MBTPS1: variants seen among roughly 807,000 people sequenced by gnomAD.
MBTPS1 encodes membrane bound transcription factor peptidase, site 1.
Under a neutral mutation model 127.8 loss-of-function variants are expected in MBTPS1, and 94 were observed. The observed-to-expected ratio is 0.74, with a 90% confidence interval of 0.62 to 0.87. The LOEUF is 0.87. MBTPS1 is among the 40% of genes least tolerant of loss of function. The pLI, the probability that MBTPS1 is intolerant of heterozygous loss-of-function variation, is 0.00. For missense variants in MBTPS1, 1,636 were observed against 1,353.2 expected (o/e 1.21, Z -3.28); for synonymous variants, 632 against 509.4 (o/e 1.24, Z -3.24).
At chr16:84,075,084 G>A (rs772055588) in intron 11 of MBTPS1, 21 of 167,112 alleles carry the variant, frequency 1.3e-4, no homozygotes, top group Non-Finnish European at 2.1e-4. Flanking sequence ...GCAAAAACAC[G>A]TACACATGTC....
intron 1 of MBTPS1, among the ~76,000 whole-genome samples, chr16:84,116,466 T>C (rs904054908): frequency 2.0e-5 from 3 of 152,172 alleles, no homozygotes; most frequent in Non-Finnish European, 4.4e-5. Flanking sequence ...GAGCAGGGCG[T>C]ATTGTTTCAC....
intron 3 of MBTPS1, 54 bp downstream of exon 3, chr16:84,098,999 G>C (rs2086216769): frequency 4.0e-6 from 6 of 1,511,188 alleles, no homozygotes; most frequent in Non-Finnish European, 4.5e-6. Context: ...TCTGCAGTTT[G>C]AGATTTTCAA....
intron 8 of MBTPS1, among the ~76,000 whole-genome samples, chr16:84,089,533 C>CA (rs751124372): frequency 6.6e-6 from 1 of 152,152 alleles, no homozygotes; most frequent in Non-Finnish European, 1.5e-5. Context: ...GAAATACGCA[C>CA]AAAAAAGAAA....
chr16:84,094,165 T>C (rs1394567835), intron 4 of MBTPS1, among the ~76,000 whole-genome samples: 1 of 151,988 alleles, frequency 6.6e-6, no homozygotes, highest in Non-Finnish European at 1.5e-5. Flanking sequence ...TGGCACCTAC[T>C]GATACTCCCC....
chr16:84,075,544 A>T (rs2085842926), intron 11 of MBTPS1: 1 of 152,296 alleles, frequency 6.6e-6, no homozygotes, highest in Admixed American at 6.5e-5. Flanking sequence ...CCCTGAGAGC[A>T]CCAGGCATAC....
intron 16 of MBTPS1, among the ~76,000 whole-genome samples, chr16:84,066,922 A>C (rs556316688): frequency 1.6e-4 from 25 of 152,348 alleles, no homozygotes; most frequent in Middle Eastern, 3.4e-3. Context: ...GATGAGAAAG[A>C]AGCATAGAAA....
At chr16:84,082,743 T>C (rs1192781771) in intron 10 of MBTPS1, among the ~76,000 whole-genome samples, 1 of 152,138 alleles carries the variant, frequency 6.6e-6, no homozygotes, top group Non-Finnish European at 1.5e-5. Flanking sequence ...AAATCTGACA[T>C]AAGTAGAGGA....
intron 22 of MBTPS1, among the ~76,000 whole-genome samples, 180 bp from the exon 23 acceptor site, chr16:84,054,825 G>C (rs964721699): frequency 6.6e-6 from 1 of 152,188 alleles, no homozygotes; most frequent in Non-Finnish European, 1.5e-5. Context: ...ATAAAGAGTG[G>C]ATGAGAGCAA....
chr16:84,081,885 A>G lies in MBTPS1; in HGVS notation c.1310T>C (p.Val437Ala). ...GGCCTGCTTCATACTGGCGGGATTC[A>G]CCAGCTCACGCTTCTGGACTGTGCT... ...LVSTVQKREL[V>A]NPASMKQALI... Residue 437 changes from valine to alanine, a missense_variant, in exon 11 of 23, where the codon GTG becomes GCG. Physicochemically the swap from Val to Ala is moderately conservative, Grantham distance 64 (BLOSUM62 0). Coordinates refer to ENST00000343411, the MANE Select transcript of MBTPS1 (RefSeq NM_003791.4). 2 of 1,451,862 alleles carry G rather than the reference A, an allele frequency of 1.4e-6. No homozygotes were observed. The highest frequency in any genetic ancestry group is 1.8e-4 in the Middle Eastern group (1 of 5,428). The allele number at this position is 1,451,862 out of a possible 1,614,324, so 89.9% of individuals were successfully genotyped here.
intron 1 of MBTPS1, among the ~76,000 whole-genome samples, chr16:84,115,805 G>A (rs1487000686): frequency 1.3e-5 from 2 of 152,152 alleles, no homozygotes; most frequent in Admixed American, 1.3e-4. Flanking sequence ...TTTGGTAGTG[G>A]CTGTGCTGCT....
At position 84,063,291 on chromosome 16, in the gene MBTPS1, T is replaced by C. The variant is rs374428264; in HGVS notation, c.2572+14A>G. 1 of 1,602,544 alleles carries C rather than the reference T, an allele frequency of 6.2e-7. No homozygotes were observed. The highest frequency in any genetic ancestry group is 1.3e-5 in the African/African-American group (1 of 74,764). On this transcript the variant is annotated intron_variant, in intron 19 of 22. Coordinates refer to ENST00000343411, the MANE Select transcript of MBTPS1 (RefSeq NM_003791.4). ...GAGTGCCGAAGTCACAAAGTCCATC[T>C]GCGTTTTTCCTACCCTTCTGTCGGT...
rs767669312 is a variant in MBTPS1, at chr16:84,081,796, C to T, written c.1399G>A (p.Asp467Asn). 2.3e-5 allele frequency: 35 copies of T among 1,522,360 alleles called. No homozygotes were observed. The East Asian group carries it at 3.8e-4, about 16-fold the overall frequency. 94.3% of individuals were successfully genotyped at this position (1,522,360 alleles called of 1,614,324 possible). ...AGGATCTGATAGGCTCTGAGCAGAT[C>T]GAGCTTGCCGTGGCCTTGCTCAAAC... ...NMFEQGHGKL[D>N]LLRAYQILNS... The change falls in exon 11 of 23, where the codon GAT (aspartate) becomes AAT (asparagine). Residue 467 changes from aspartate (D) to asparagine (N), a missense_variant. By Grantham distance (23) the Asp-to-Asn change is conservative (BLOSUM62 1). Transcript: ENST00000343411.
intron 8 of MBTPS1, 113 bp from the exon 9 acceptor site, chr16:84,087,573 G>A: frequency 1.5e-6 from 1 of 670,554 alleles, no homozygotes; most frequent in Non-Finnish European, 2.5e-6. Flanking sequence ...ATCTAACACT[G>A]TATGAGCTGC....
chr16:84,082,609 T>A (rs188982092), intron 10 of MBTPS1, among the ~76,000 whole-genome samples: 188 of 152,322 alleles, frequency 1.2e-3, no homozygotes, highest in African/African-American at 4.4e-3. Flanking sequence ...AAGTGAATTT[T>A]AATTCCTAAA....
At chr16:84,085,752 A>G (rs781674702) in intron 9 of MBTPS1, among the ~76,000 whole-genome samples, 2 of 152,302 alleles carry the variant, frequency 1.3e-5, no homozygotes, top group East Asian at 1.9e-4. Context: ...GCCAGACTGG[A>G]AAGTGGACAC....
intron 8 of MBTPS1, among the ~76,000 whole-genome samples, chr16:84,089,949 T>C (rs1419896688): frequency 2.0e-5 from 3 of 152,232 alleles, no homozygotes; most frequent in Non-Finnish European, 2.9e-5. Flanking sequence ...AGCGAGGGTA[T>C]GTTCATGCCA....
At chr16:84,089,686 G>A (rs1026744461) in intron 8 of MBTPS1, among the ~76,000 whole-genome samples, 1 of 152,172 alleles carries the variant, frequency 6.6e-6, no homozygotes, top group South Asian at 2.1e-4. Flanking sequence ...AAGTGACGGT[G>A]CCTCAGCCGT....
chr16:84,110,510 T>C (rs1050522668), intron 1 of MBTPS1, among the ~76,000 whole-genome samples: 5 of 152,216 alleles, frequency 3.3e-5, no homozygotes, highest in Non-Finnish European at 5.9e-5. Context: ...TTTTCACATA[T>C]GTATTAAAAC....
chr16:84,063,202 G>T, intron 19 of MBTPS1, 103 bp downstream of exon 19: 1 of 1,248,440 alleles, frequency 8.0e-7, no homozygotes, highest in East Asian at 2.3e-5. Context: ...CAAGTGAACA[G>T]ATGTCGGCTG....
Sources: gnomAD v4.1 joint callset for allele counts (sites outside exome capture counted in the v4.1 genomes callset) on GRCh38, gnomAD v4.1.1 for gene constraint, MANE v1.5 for transcripts, NCBI Gene and HGNC (gene_info 2026-07-23, HGNC 2026-07-21) for gene names.